Variants in ZP1 observed in about 807,000 individuals in gnomAD.
ZP1 encodes the protein zona pellucida sperm-binding protein 1.
Under a neutral mutation model 67.4 loss-of-function variants are expected in ZP1, and 58 were observed. That is an observed-to-expected ratio of 0.86 (90% confidence interval 0.70 to 1.07). ZP1 has a LOEUF of 1.07. ZP1 is among the 50% of genes least tolerant of loss of function. The pLI is 0.00. For missense variants in ZP1, 759 were observed against 807.3 expected (o/e 0.94, Z 0.72); for synonymous variants, 333 against 332.7 (o/e 1.00, Z -0.01).
chr11:60,868,454 G>C (rs1322760876), intron 1 of ZP1, among the ~76,000 whole-genome samples: 1 of 152,338 alleles, frequency 6.6e-6, no homozygotes, highest in African/African-American at 2.4e-5. Flanking sequence ...GTTTAGAACT[G>C]GGGTTTGGAT....
At chr11:60,871,533 C>T (rs1190754372) in intron 6 of ZP1, among the ~76,000 whole-genome samples, 2 of 152,234 alleles carry the variant, frequency 1.3e-5, no homozygotes, top group Admixed American at 6.5e-5. Context: ...AAGTGGAGCC[C>T]TTCCATGCCT....
intron 4 of ZP1, 87 bp from the exon 5 acceptor site, chr11:60,870,870 C>T: frequency 7.0e-7 from 1 of 1,431,752 alleles, no homozygotes; most frequent in Non-Finnish European, 9.5e-7. Context: ...CCTAGACCGG[C>T]ACTTAAAGCC....
At chr11:60,873,115 CTCTGAT>C in intron 6 of ZP1, 41 bp from the exon 7 acceptor site, 1 of 1,517,386 alleles carries the variant, frequency 6.6e-7, no homozygotes, top group Non-Finnish European at 8.8e-7. Context: ...AAACAGGATG[CTCTGAT>C]TCTGTGTCTT....
Position 60,875,532 on chromosome 11 carries a change from G to T in ZP1, c.1793G>T (p.Ser598Ile), listed in dbSNP as rs769147932. Residue 598 changes from serine to isoleucine, a missense_variant, in exon 12 of 12, where the codon AGC becomes ATC. Coordinates refer to ENST00000278853, the MANE Select transcript of ZP1 (RefSeq NM_207341.4). ...LGPTDSNGNS[S>I]LRPLLWAVLL... ...CTGACAGACTCCAATGGGAACTCCA[G>T]CCTGAGACCTCTCCTTTGGGCGGTC... is the stretch of plus-strand genomic sequence containing the variant. The T allele has an allele frequency of 1.9e-6, 3 of 1,614,044 alleles. No homozygotes were observed. The highest frequency in any genetic ancestry group is 2.2e-5 in the South Asian group (2 of 91,076).
At chr11:60,870,870 C>A in intron 4 of ZP1, 87 bp from the exon 5 acceptor site, 1 of 1,431,752 alleles carries the variant, frequency 7.0e-7, no homozygotes, top group Non-Finnish European at 9.5e-7. Flanking sequence ...CCTAGACCGG[C>A]ACTTAAAGCC....
In ZP1 at chr11:60,873,682, CG is replaced by C; in HGVS notation, c.1483del (p.Ala495ProfsTer76). The part of the protein sequence containing the change: ...SYRTQMVALD[G>X]ATPFQSHYQR... ...ACAGAACCCAAATGGTAGCCTTGGA[CG>C]GGGCCACACCTTTCCAGTCGCACTA... On this transcript the variant is annotated frameshift_variant, in exon 9 of 12. Coordinates refer to ENST00000278853, the MANE Select transcript of ZP1 (RefSeq NM_207341.4). LOFTEE classifies it high-confidence loss of function. 6.2e-7 allele frequency: 1 copy of C among 1,614,200 alleles called. No individual in the cohort carries two copies. Among genetic ancestry groups the C allele is most frequent in the Admixed American group, 1.7e-5 (1 of 60,032 alleles).
In ZP1 at chr11:60,873,186, CGCCAGTGACTTCCT is replaced by C. The variant is rs1290814250; in HGVS notation, c.1141_1154del (p.Ser381HisfsTer23). 4.4e-6 allele frequency: 7 copies of C among 1,602,650 alleles called. No homozygotes were observed. The highest frequency in any genetic ancestry group is 6.0e-6 in the Non-Finnish European group (7 of 1,174,056). The stretch of plus-strand genomic sequence containing the variant: ...GGCTTCATGTGCGCTGTGTCTTCAA[CGCCAGTGACTTCCT>C]GCCCATTCAGGCATCCATTTTCCCA... On this transcript the variant is annotated frameshift_variant, in exon 7 of 12. Coordinates refer to ENST00000278853, the MANE Select transcript of ZP1 (RefSeq NM_207341.4). LOFTEE classifies it high-confidence loss of function.
Position 60,869,630 on chromosome 11 carries a change from C to T in ZP1, c.412C>T (p.Pro138Ser), listed in dbSNP as rs377530078. The T allele has an allele frequency of 3.8e-5, 62 of 1,614,092 alleles. No homozygotes were observed. The highest frequency in any genetic ancestry group is 5.3e-5 in the Non-Finnish European group (62 of 1,180,042). Residue 138 changes from proline (P) to serine (S), a missense_variant, in exon 3 of 12, where the codon CCT becomes TCT. By Grantham distance (74) the Pro-to-Ser change is moderately conservative. Coordinates refer to ENST00000278853, the MANE Select transcript of ZP1 (RefSeq NM_207341.4). ...AQDATLICPK[P>S]DPSRTLDSQL... ...AGACGCTACTCTGATCTGTCCCAAA[C>T]CTGACCCCTCCCGGACTCTGGACTC...
chr11:60,870,308 C>G, intron 3 of ZP1, 24 bp from the exon 4 acceptor site: 1 of 1,539,254 alleles, frequency 6.5e-7, no homozygotes, highest in African/African-American at 1.4e-5. Flanking sequence ...TGCCTTCAGC[C>G]TCATCACTCT....
rs1456379961 is a variant in ZP1 at position 60,873,766 on chromosome 11, C to A, written c.1563C>A (p.Leu521=). 24 of 1,613,914 alleles carry A rather than the reference C, an allele frequency of 1.5e-5. No homozygotes were observed. The highest frequency in any genetic ancestry group is 2.0e-5 in the Non-Finnish European group (24 of 1,180,036). Reference sequence around the variant, plus strand: ...TGGACTCAGGCTCCCAGAGAGCCCTCAGAGGACTGGTAAGAAGCCCCGGCT... The same window carrying A: ...TGGACTCAGGCTCCCAGAGAGCCCTAAGAGGACTGGTAAGAAGCCCCGGCT... The part of the protein sequence containing the change: ...ALLDSGSQRA[L]RGLVYLFCST... Residue 521 remains leucine, a synonymous_variant, in exon 9 of 12, where the codon CTC becomes CTA. Coordinates refer to ENST00000278853, the MANE Select transcript of ZP1 (RefSeq NM_207341.4).
chr11:60,874,929 C>G lies in ZP1; in HGVS notation c.1573-4C>G. ...CCACTTTGATGTTCTTCTCCTTCCA[C>G]CAGGTTTACTTGTTCTGCAGCACCT... On this transcript the variant is annotated splice_region_variant and splice_polypyrimidine_tract_variant and intron_variant, in intron 9 of 11. Transcript: ENST00000278853. The G allele has an allele frequency of 6.2e-7, 1 of 1,614,204 alleles. No homozygotes were observed. Among genetic ancestry groups the G allele is most frequent in the African/African-American group, 1.3e-5 (1 of 75,084 alleles).
chr11:60,869,485 G>A, intron 2 of ZP1, 52 bp from the exon 3 acceptor site: 6 of 1,555,510 alleles, frequency 3.9e-6, no homozygotes, highest in South Asian at 1.2e-5. Flanking sequence ...CCCCTGCCTG[G>A]GTATGCTAGG....
At position 60,873,432 on chromosome 11, in the gene ZP1, G is replaced by C. The variant is rs761123970; in HGVS notation, c.1298G>C (p.Arg433Pro). 2 of 1,612,968 alleles carry C rather than the reference G, an allele frequency of 1.2e-6. No individual in the cohort carries two copies. The highest frequency in any genetic ancestry group is 1.7e-5 in the Admixed American group (1 of 59,984). Reference protein sequence around the residue: ...EDDYPIVRLLREPVHVEVRLL... With the variant: ...EDDYPIVRLLPEPVHVEVRLL... ...GACTATCCCATCGTGAGGCTGCTCCGAGAACCAGTCCATGTGGAGGTCCGG... is the reference window on the plus strand; with the variant it reads ...GACTATCCCATCGTGAGGCTGCTCCCAGAACCAGTCCATGTGGAGGTCCGG... Residue 433 changes from arginine to proline, a missense_variant, in exon 8 of 12, where the codon CGA becomes CCA. By Grantham distance (103) the Arg-to-Pro change is moderately radical. Transcript: ENST00000278853.
At chr11:60,873,919 C>A in intron 9 of ZP1, 144 bp downstream of exon 9, 1 of 1,122,954 alleles carries the variant, frequency 8.9e-7, no homozygotes, top group Non-Finnish European at 1.2e-6. Context: ...TGGAAAGCAG[C>A]GGGCTTCGGG....
Position 60,871,111 on chromosome 11 carries a change from C to G in ZP1, c.981C>G (p.Tyr327Ter). ...ACACGGAAGCTTTCGTGGTCTTCTA[C>G]TTCCCTCTCACCCACTGTGGAACCA... ...TQHTEAFVVF[Y>*]FPLTHCGTTM... The change falls in exon 5 of 12, where the codon TAC (tyrosine) becomes TAG (stop). Residue 327 changes from tyrosine (Y) to a stop codon, truncating the protein, a stop_gained. Coordinates refer to ENST00000278853, the MANE Select transcript of ZP1 (RefSeq NM_207341.4). LOFTEE classifies it high-confidence loss of function. 1 of 1,614,178 alleles carries G rather than the reference C, an allele frequency of 6.2e-7. No individual in the cohort carries two copies. The highest frequency in any genetic ancestry group is 8.5e-7 in the Non-Finnish European group (1 of 1,180,008).
rs1469887230 is a variant in ZP1, at chr11:60,873,236, C to A, written c.1187C>A (p.Pro396His). 2 of 1,607,654 alleles carry A rather than the reference C, an allele frequency of 1.2e-6. No homozygotes were observed. The highest frequency in any genetic ancestry group is 2.2e-5 in the South Asian group (2 of 89,836). The change falls in exon 7 of 12, where the codon CCT (proline) becomes CAT (histidine). Residue 396 changes from proline to histidine, a missense_variant. Pro to His is a moderately conservative substitution (Grantham distance 77). Transcript: ENST00000278853. ...IQASIFPPPS[P>H]APMTQPGPLR... is the part of the protein sequence containing the mutation. ...GCATCCATTTTCCCACCCCCATCGC[C>A]TGCTCCTATGACCCAGCCCGGCCCC...
At chr11:60,871,824 A>G (rs1053259542) in intron 6 of ZP1, among the ~76,000 whole-genome samples, 2 of 152,228 alleles carry the variant, frequency 1.3e-5, no homozygotes, top group African/African-American at 4.8e-5. Flanking sequence ...TGCTGACTCA[A>G]GAGGCAAAAC....
At chr11:60,875,467 G>A (rs759925936) in intron 11 of ZP1, 47 bp from the exon 12 acceptor site, 2 of 1,606,978 alleles carry the variant, frequency 1.2e-6, no homozygotes, top group Non-Finnish European at 1.7e-6. Flanking sequence ...TGGAGGGGAG[G>A]GTTGGAGGGG....
chr11:60,868,043 T>TC (rs1260839985), intron 1 of ZP1, among the ~76,000 whole-genome samples: 12 of 150,490 alleles, frequency 8.0e-5, no homozygotes, highest in Non-Finnish European at 1.3e-4. Context: ...TCTTTTCTTT[T>TC]TTTTTTTTTT....
Sources: gnomAD v4.1 joint callset for allele counts (sites outside exome capture counted in the v4.1 genomes callset) on GRCh38, gnomAD v4.1.1 for gene constraint, MANE v1.5 for transcripts, NCBI Gene and HGNC (gene_info 2026-07-23, HGNC 2026-07-21) for gene names.